The following ANKRD44 variants were observed in gnomAD, a reference collection of about 807,000 sequenced individuals.
ANKRD44 encodes the protein serine/threonine-protein phosphatase 6 regulatory ankyrin repeat subunit B.
ANKRD44 carries 35 observed loss-of-function variants against 116.0 expected under a neutral mutation model. The ratio of observed to expected loss-of-function variants is 0.30; its 90% confidence interval spans 0.23 to 0.40. The LOEUF is 0.40. Ranked by LOEUF, ANKRD44 falls within the 10% of genes least tolerant of loss-of-function variation. The pLI is 1.00. For synonymous variants in ANKRD44, 435 were observed against 461.8 expected (o/e 0.94, Z 0.74); for missense variants, 1,014 against 1,242.6 (o/e 0.82, Z 2.77).
intron 1 of ANKRD44, among the ~76,000 whole-genome samples, chr2:197,237,428 A>G (rs922317876): frequency 2.0e-5 from 3 of 152,188 alleles, no homozygotes; most frequent in Non-Finnish European, 4.4e-5. Flanking sequence ...AAACTCGCCA[A>G]CCCTCTTGCT....
chr2:197,151,547 A>C (rs1243051527), intron 2 of ANKRD44, among the ~76,000 whole-genome samples: 2 of 152,220 alleles, frequency 1.3e-5, no homozygotes, highest in Non-Finnish European at 2.9e-5. Flanking sequence ...TCTAAGAGGG[A>C]TCAAACTCAA....
At chr2:197,294,672 G>A (rs755748476) in intron 1 of ANKRD44, among the ~76,000 whole-genome samples, 1 of 152,136 alleles carries the variant, frequency 6.6e-6, no homozygotes, top group Non-Finnish European at 1.5e-5. Context: ...CTAGAATAAT[G>A]AGCAACATTA....
chr2:197,137,803 T>C (rs909116821), intron 3 of ANKRD44, among the ~76,000 whole-genome samples: 2 of 152,192 alleles, frequency 1.3e-5, no homozygotes, highest in Non-Finnish European at 2.9e-5. Flanking sequence ...TGATGAATTG[T>C]TGCTTAATTT....
chr2:197,253,019 T>C (rs1239800878), intron 1 of ANKRD44, among the ~76,000 whole-genome samples: 2 of 152,232 alleles, frequency 1.3e-5, no homozygotes, highest in Non-Finnish European at 2.9e-5. Flanking sequence ...AAGTCTAATT[T>C]ATCCTCAGGA....
chr2:197,079,538 C>G (rs375954072), intron 15 of ANKRD44, among the ~76,000 whole-genome samples: 35 of 152,344 alleles, frequency 2.3e-4, no homozygotes, highest in East Asian at 1.5e-3. Flanking sequence ...GCCCAAAACT[C>G]TGGTTCACAA....
At chr2:197,168,129 A>G (rs574852950) in intron 2 of ANKRD44, among the ~76,000 whole-genome samples, 1 of 152,326 alleles carries the variant, frequency 6.6e-6, no homozygotes, top group African/African-American at 2.4e-5. Context: ...GCCACCGGAC[A>G]TGTGAGTGAA....
chr2:197,007,675 AG>A, intron 20 of ANKRD44, 130 bp downstream of exon 20: 1 of 669,360 alleles, frequency 1.5e-6, no homozygotes, highest in East Asian at 2.6e-5. Flanking sequence ...TGGTTGTATT[AG>A]GAAACAATTT....
intron 1 of ANKRD44, among the ~76,000 whole-genome samples, chr2:197,275,162 G>A (rs1482343881): frequency 1.3e-5 from 2 of 151,612 alleles, no homozygotes; most frequent in East Asian, 1.9e-4. Context: ...AGGCTGGAGT[G>A]CAGTGGTAGT....
intron 1 of ANKRD44, chr2:197,296,427 T>C (rs2083725613): frequency 6.6e-6 from 1 of 152,222 alleles, no homozygotes; most frequent in Non-Finnish European, 1.5e-5. Flanking sequence ...TAAGTGTCAA[T>C]GTGGCTGAAC....
At chr2:197,007,994 A>C (rs1275154788) in intron 19 of ANKRD44, 71 bp from the exon 20 acceptor site, 1 of 906,946 alleles carries the variant, frequency 1.1e-6, no homozygotes, top group Non-Finnish European at 1.6e-6. Context: ...CAGTAGGAAG[A>C]CATTCTCTTT....
chr2:197,248,861 T>C (rs756757414), intron 1 of ANKRD44, among the ~76,000 whole-genome samples: 56 of 152,046 alleles, frequency 3.7e-4, no homozygotes, highest in Non-Finnish European at 6.8e-4. Flanking sequence ...GGTGCTGGAA[T>C]TGAGTAAAAG....
intron 10 of ANKRD44, 92 bp downstream of exon 10, chr2:197,099,724 G>C: frequency 2.0e-6 from 3 of 1,533,888 alleles, no homozygotes; most frequent in Non-Finnish European, 2.6e-6. Context: ...CCTTAACCTG[G>C]ATAAATGGGA....
At chr2:197,254,172 C>A (rs1177045228) in intron 1 of ANKRD44, among the ~76,000 whole-genome samples, 2 of 152,220 alleles carry the variant, frequency 1.3e-5, no homozygotes, top group Non-Finnish European at 2.9e-5. Flanking sequence ...GCGGGCAGAT[C>A]ACCTGAGGTC....
chr2:197,090,066 A>G, intron 10 of ANKRD44, 34 bp from the exon 11 acceptor site: 2 of 1,520,254 alleles, frequency 1.3e-6, no homozygotes, highest in Non-Finnish European at 1.8e-6. Context: ...ACTCACGGCA[A>G]CAGATCTCAA....
chr2:197,108,293 T>C (rs2078482065), intron 9 of ANKRD44, among the ~76,000 whole-genome samples: 1 of 152,222 alleles, frequency 6.6e-6, no homozygotes, highest in South Asian at 2.1e-4. Flanking sequence ...TGAAAGGCTT[T>C]ATAAGTGGTG....
intron 6 of ANKRD44, 131 bp from the exon 7 acceptor site, chr2:197,122,923 T>A: frequency 1.8e-6 from 2 of 1,087,260 alleles, no homozygotes; most frequent in South Asian, 1.6e-5. Context: ...AAAAAGCTGG[T>A]TCATGGCAAC....
chr2:197,052,348 G>C (rs536974286), intron 16 of ANKRD44, among the ~76,000 whole-genome samples: 1 of 152,326 alleles, frequency 6.6e-6, no homozygotes, highest in East Asian at 1.9e-4. Flanking sequence ...TGTTGGGGAA[G>C]TGTTGGGCTT....
intron 17 of ANKRD44, among the ~76,000 whole-genome samples, chr2:197,022,491 C>T (rs1235839947): frequency 6.6e-6 from 1 of 152,172 alleles, no homozygotes; most frequent in Non-Finnish European, 1.5e-5. Context: ...GGTGGCCCCC[C>T]AAACTCCTGG....
chr2:197,003,543 T>C (rs926257744), intron 21 of ANKRD44, among the ~76,000 whole-genome samples: 1 of 151,946 alleles, frequency 6.6e-6, no homozygotes, highest in Non-Finnish European at 1.5e-5. Flanking sequence ...AAGTGCCTAG[T>C]AAAAAGGAGT....
Sources: allele counts gnomAD v4.1 joint callset (sites outside exome capture counted in the v4.1 genomes callset), GRCh38; gene constraint gnomAD v4.1.1; transcripts MANE v1.5; gene names NCBI Gene and HGNC (gene_info 2026-07-23, HGNC 2026-07-21).